Variants in ZNF670 observed in about 807,000 individuals in gnomAD.
The protein encoded by ZNF670 is zinc finger protein 670.
Under a neutral mutation model 10.9 loss-of-function variants are expected in ZNF670, and 7 were observed. That is an observed-to-expected ratio of 0.64 (90% confidence interval 0.36 to 1.20). ZNF670 has a LOEUF of 1.20. Ranked by LOEUF, ZNF670 falls within the 50% of genes most tolerant of loss-of-function variation. ZNF670 has a pLI of 0.02. For synonymous variants in ZNF670, 136 were observed against 152.7 expected (o/e 0.89, Z 0.81); for missense variants, 446 against 458.6 (o/e 0.97, Z 0.25).
intron 1 of ZNF670, among the ~76,000 whole-genome samples, chr1:247,072,853 T>TACACCCACACACACACAC (rs1671170547): frequency 1.0e-5 from 1 of 100,006 alleles, no homozygotes; most frequent in African/African-American, 3.9e-5. Context: ...TACACACACA[T>TACACCCACACACACACAC]ACACACACAC....
At chr1:247,070,104 C>T (rs756361742) in intron 1 of ZNF670, among the ~76,000 whole-genome samples, 1 of 151,724 alleles carries the variant, frequency 6.6e-6, no homozygotes. Context: ...CTCCTGTACC[C>T]CATAAATATA....
intron 1 of ZNF670, among the ~76,000 whole-genome samples, chr1:247,064,006 C>T (rs1670926750): frequency 6.6e-6 from 1 of 152,208 alleles, no homozygotes; most frequent in Non-Finnish European, 1.5e-5. Context: ...GTCACAGACT[C>T]TGTAGCTGAC....
At chr1:247,052,187 T>C (rs573171789) in intron 1 of ZNF670, among the ~76,000 whole-genome samples, 1 of 152,294 alleles carries the variant, frequency 6.6e-6, no homozygotes, top group Admixed American at 6.5e-5. Context: ...TTACCAGAAT[T>C]GTTTTTCTGG....
intron 1 of ZNF670, among the ~76,000 whole-genome samples, chr1:247,061,787 T>C (rs1670865806): frequency 6.6e-6 from 1 of 152,184 alleles, no homozygotes; most frequent in South Asian, 2.1e-4. Context: ...AACACTGTCA[T>C]GGAGTATTAT....
intron 1 of ZNF670, among the ~76,000 whole-genome samples, chr1:247,072,484 C>T (rs1671141188): frequency 6.6e-6 from 1 of 150,426 alleles, no homozygotes; most frequent in Non-Finnish European, 1.5e-5. Flanking sequence ...TTAATATATA[C>T]TTAAAAAAAG....
chr1:247,042,889 C>A, intron 1 of ZNF670: 1 of 650,770 alleles, frequency 1.5e-6, no homozygotes. Flanking sequence ...TCAACTACAG[C>A]AGAGTGATAA....
chr1:247,067,519 A>G (rs565753274), intron 1 of ZNF670, among the ~76,000 whole-genome samples: 70 of 151,684 alleles, frequency 4.6e-4, no homozygotes, highest in African/African-American at 1.6e-3. Flanking sequence ...CAAAGAAGAA[A>G]TGGACAAAAA....
intron 3 of ZNF670, 93 bp downstream of exon 3, chr1:247,038,717 C>G: frequency 8.8e-7 from 1 of 1,142,566 alleles, no homozygotes. Flanking sequence ...AAAAAAATTT[C>G]TAGTGGTTCT....
intron 1 of ZNF670, chr1:247,043,128 A>G: frequency 3.1e-6 from 3 of 956,796 alleles, no homozygotes; most frequent in Non-Finnish European, 3.4e-6. Context: ...CTGACATGAC[A>G]GACATGACAA....
intron 1 of ZNF670, among the ~76,000 whole-genome samples, chr1:247,067,876 C>T (rs1476048274): frequency 7.2e-6 from 1 of 139,566 alleles, no homozygotes; most frequent in East Asian, 2.1e-4. Context: ...AGCTCCAGCA[C>T]AGCAAAGGAT....
intron 1 of ZNF670, among the ~76,000 whole-genome samples, chr1:247,055,001 A>G (rs1191726684): frequency 2.0e-5 from 3 of 152,140 alleles, no homozygotes; most frequent in Admixed American, 1.3e-4. Flanking sequence ...CTTTAAAGAA[A>G]CTGCCTGAAA....
chr1:247,060,146 T>C (rs1047368489), intron 1 of ZNF670, among the ~76,000 whole-genome samples: 1 of 152,066 alleles, frequency 6.6e-6, no homozygotes, highest in African/African-American at 2.4e-5. Flanking sequence ...AACACCTATA[T>C]GAAAAGCCAA....
intron 1 of ZNF670, among the ~76,000 whole-genome samples, chr1:247,077,059 T>C (rs903905869): frequency 6.6e-6 from 1 of 152,248 alleles, no homozygotes; most frequent in Non-Finnish European, 1.5e-5. Flanking sequence ...GTTTTTCTCC[T>C]TTCCCAAGTC....
chr1:247,078,173 G>A (rs980861279), intron 1 of ZNF670, among the ~76,000 whole-genome samples: 2 of 152,094 alleles, frequency 1.3e-5, no homozygotes, highest in African/African-American at 4.8e-5. Flanking sequence ...CCTAACTCAC[G>A]ACTCTCTGCT....
chr1:247,040,112 G>A (rs575413136), intron 1 of ZNF670, among the ~76,000 whole-genome samples: 2,870 of 152,178 alleles, frequency 0.019, 48 homozygotes, highest in Non-Finnish European at 0.028. Context: ...GGTACCTAGG[G>A]GATCAGCTCT....
At position 247,037,986 on chromosome 1, in the gene ZNF670, A is replaced by G. The variant is rs1246686562; in HGVS notation, c.633T>C (p.Tyr211=). The G allele has an allele frequency of 1.2e-6, 2 of 1,613,362 alleles. No individual in the cohort carries two copies. The highest frequency in any genetic ancestry group is 2.7e-5 in the African/African-American group (2 of 74,872). The change falls in exon 4 of 4, where the codon TAT becomes TAC. Residue 211 remains tyrosine (Y), a synonymous_variant. Transcript: ENST00000366503. ...TATGAGTTCTTTCATGTTCACGAAG[A>G]TAACTTGAATAATTGAAGGCTTTAT... ...HCDKAFNYSS[Y]LREHERTHTG...
At chr1:247,066,364 T>C (rs1670980047) in intron 1 of ZNF670, among the ~76,000 whole-genome samples, 1 of 152,128 alleles carries the variant, frequency 6.6e-6, no homozygotes, top group South Asian at 2.1e-4. Context: ...TCCAGGATCC[T>C]AGCTGCGGGA....
At chr1:247,053,986 C>G (rs1174796657) in intron 1 of ZNF670, among the ~76,000 whole-genome samples, 1 of 152,210 alleles carries the variant, frequency 6.6e-6, no homozygotes, top group East Asian at 1.9e-4. Flanking sequence ...CCTCCATTAC[C>G]TGGCAGCAGC....
At chr1:247,060,536 A>T (rs1670833917) in intron 1 of ZNF670, among the ~76,000 whole-genome samples, 1 of 152,236 alleles carries the variant, frequency 6.6e-6, no homozygotes, top group Admixed American at 6.5e-5. Flanking sequence ...AACTGAGGGT[A>T]ATCTTTGGTT....
Sources: allele counts gnomAD v4.1 joint callset (sites outside exome capture counted in the v4.1 genomes callset), GRCh38; gene constraint gnomAD v4.1.1; transcripts MANE v1.5; gene names NCBI Gene and HGNC (gene_info 2026-07-23, HGNC 2026-07-21).